The following PPP2R2C variants were observed in gnomAD, a reference collection of about 807,000 sequenced individuals.
PPP2R2C encodes the protein protein phosphatase 2, regulatory subunit B, gamma.
PPP2R2C carries 10 observed loss-of-function variants against 45.3 expected under a neutral mutation model. That is an observed-to-expected ratio of 0.22 (90% CI 0.14 to 0.37). The LOEUF (loss-of-function observed/expected upper bound fraction) is 0.37, where lower values mean the gene tolerates loss of function less well. Among genes scored for constraint, PPP2R2C ranks in the 10% least tolerant of loss-of-function variants. The pLI, the probability that PPP2R2C is intolerant of heterozygous loss-of-function variation, is 1.00. For missense variants in PPP2R2C, 308 were observed against 619.7 expected, an observed-to-expected ratio of 0.50 and a Z score of 5.34; for synonymous variants, 257 against 245.4, an observed-to-expected ratio of 1.05 and a Z score of -0.44.
chr4:6,512,104 G>T (rs1577231056), intron 2 of PPP2R2C, among the ~76,000 whole-genome samples: 1 of 60,710 alleles, frequency 1.6e-5, no homozygotes, highest in Non-Finnish European at 3.2e-5. Flanking sequence ...GGTGGTGGTG[G>T]TGGTGGTGAT....
At chr4:6,539,190 C>T (rs1724728971) in intron 1 of PPP2R2C, among the ~76,000 whole-genome samples, 1 of 151,122 alleles carries the variant, frequency 6.6e-6, no homozygotes, top group Admixed American at 6.6e-5. Context: ...GACACACACA[C>T]ATAGGGAGAG....
intron 2 of PPP2R2C, among the ~76,000 whole-genome samples, chr4:6,496,126 G>A (rs775678554): frequency 4.9e-4 from 74 of 152,140 alleles, no homozygotes; most frequent in Non-Finnish European, 9.7e-4. Flanking sequence ...AGCAAAACCA[G>A]GACAATCTCG....
rs373085213 is a variant in PPP2R2C, at chr4:6,478,808, A to G, written c.49+56463T>C. 2.4e-4 allele frequency among the ~76,000 whole-genome samples: 36 copies of G among 152,266 alleles called. 1 individual carries two copies. Among genetic ancestry groups the G allele is most frequent in the African/African-American group, 8.2e-4 (34 of 41,546 alleles). On this transcript the variant is annotated intron_variant, in intron 2 of 9. Coordinates refer to the PPP2R2C transcript ENST00000506140. ...GCACTCCTGCTGCGTGTGCATCTCG[A>G]GTGGGCTACAGCTCTGACCCCTGTT...
rs1434443946 is a variant in PPP2R2C at position 6,330,557 on chromosome 4, G to C, written c.961-1204C>G. ...AGACAGACCTCCCTGAGGACCGGGG[G>C]ATTCCGCTAACAGATGCGTGTGGGC... On this transcript the variant is annotated intron_variant, in intron 7 of 8. Coordinates refer to ENST00000382599, the MANE Select transcript of PPP2R2C (RefSeq NM_020416.4). This position sits in a 1 kb window ranked among gnomAD's most constrained non-coding sequence, Gnocchi z 7.0. Among the ~76,000 whole-genome samples, 1 of 152,120 alleles carries C rather than the reference G, an allele frequency of 6.6e-6. No individual in the cohort carries two copies. The highest frequency in any genetic ancestry group is 1.5e-5 in the Non-Finnish European group (1 of 68,024).
At chr4:6,411,803 C>T (rs1366383033) in intron 1 of PPP2R2C, among the ~76,000 whole-genome samples, 7 of 152,038 alleles carry the variant, frequency 4.6e-5, no homozygotes, top group Admixed American at 2.0e-4. Context: ...CCGCCCACCT[C>T]GGCCTCCCAA....
chr4:6,503,513 A>G (rs564425108), intron 2 of PPP2R2C, among the ~76,000 whole-genome samples: 2 of 152,220 alleles, frequency 1.3e-5, no homozygotes, highest in South Asian at 4.2e-4. Context: ...TATTTACTGT[A>G]TGTGTTTTGT....
At chr4:6,359,450 A>G (rs1713531105) in intron 5 of PPP2R2C, among the ~76,000 whole-genome samples, 1 of 152,194 alleles carries the variant, frequency 6.6e-6, no homozygotes, top group Non-Finnish European at 1.5e-5. Context: ...CCTATGTAAC[A>G]AACATGCACA....
chr4:6,524,469 C>T (rs1724130815), intron 2 of PPP2R2C, among the ~76,000 whole-genome samples: 1 of 152,196 alleles, frequency 6.6e-6, no homozygotes, highest in Admixed American at 6.5e-5. Context: ...AAACGATTCA[C>T]GAATCAGCTG....
chr4:6,348,092 C>T (rs770376615), intron 5 of PPP2R2C, 82 bp from the exon 6 acceptor site: 21 of 1,509,402 alleles, frequency 1.4e-5, no homozygotes, highest in African/African-American at 6.9e-5. Context: ...ACACCTCTCC[C>T]GAGGCAAAAC....
At chr4:6,537,559 T>G (rs970293573) in intron 1 of PPP2R2C, among the ~76,000 whole-genome samples, 2 of 151,590 alleles carry the variant, frequency 1.3e-5, no homozygotes, top group African/African-American at 2.4e-5. Context: ...TTGTTTTTTT[T>G]TTTTTTTTGG....
intron 1 of PPP2R2C, among the ~76,000 whole-genome samples, chr4:6,429,270 C>T (rs973730255): frequency 2.0e-5 from 3 of 152,228 alleles, no homozygotes; most frequent in East Asian, 1.9e-4. Flanking sequence ...AACTTCAACA[C>T]CGCACTTTTG....
chr4:6,475,606 C>G (rs540765016), upstream of PPP2R2C, among the ~76,000 whole-genome samples: 37 of 152,330 alleles, frequency 2.4e-4, 1 homozygote, highest in South Asian at 7.7e-3. Context: ...TGGCCTCTCT[C>G]TATGCTGAGT....
chr4:6,349,084 C>T, intron 5 of PPP2R2C: 1 of 985,338 alleles, frequency 1.0e-6, no homozygotes, highest in Non-Finnish European at 1.2e-6. Context: ...TCTCTTGGAG[C>T]ATGCAAGGAC....
chr4:6,493,823 G>A (rs557270194), intron 2 of PPP2R2C, among the ~76,000 whole-genome samples: 1 of 152,114 alleles, frequency 6.6e-6, no homozygotes, highest in African/African-American at 2.4e-5. Context: ...TCTTTCTGTC[G>A]ACTCTTTAGT....
At chr4:6,333,492 C>A (rs1346456861) in intron 7 of PPP2R2C, 70 bp downstream of exon 7, 5 of 1,535,878 alleles carry the variant, frequency 3.3e-6, no homozygotes, top group South Asian at 1.3e-5. Flanking sequence ...GCTAGGAAGG[C>A]CCCCTCCATG....
intron 8 of PPP2R2C, among the ~76,000 whole-genome samples, chr4:6,326,867 C>T (rs1344397777): frequency 2.0e-5 from 3 of 152,286 alleles, no homozygotes; most frequent in Middle Eastern, 3.4e-3. Flanking sequence ...CGGCGCTCTG[C>T]GGGCCGGACC....
In PPP2R2C at chr4:6,345,435, C is replaced by G. The variant is rs1307846992; in HGVS notation, c.790+2411G>C. 2.6e-5 allele frequency among the ~76,000 whole-genome samples: 4 copies of G among 152,170 alleles called. No individual in the cohort carries two copies. The highest frequency in any genetic ancestry group is 9.7e-5 in the African/African-American group (4 of 41,434). On this transcript the variant is annotated intron_variant, in intron 6 of 8. Transcript: ENST00000382599. The surrounding 1 kb of genome is among the most constrained non-coding windows in gnomAD (Gnocchi z 5.3). ...GTCAAAATAAGGCCAAAGATGAAAT[C>G]AAGGACGCAACTCAGCCAACCTTGA...
chr4:6,333,482 G>T, intron 7 of PPP2R2C, 80 bp downstream of exon 7: 1 of 1,505,390 alleles, frequency 6.6e-7, no homozygotes, highest in Non-Finnish European at 9.0e-7. Context: ...GCCACGCCTG[G>T]CTAGGAAGGC....
chr4:6,525,371 C>G (rs1364248720), intron 2 of PPP2R2C, among the ~76,000 whole-genome samples: 1 of 152,098 alleles, frequency 6.6e-6, no homozygotes, highest in African/African-American at 2.4e-5. Context: ...TGCCGCTGCA[C>G]TCCAGCCTGG....
Sources: allele counts gnomAD v4.1 joint callset (sites outside exome capture counted in the v4.1 genomes callset), GRCh38; gene constraint gnomAD v4.1.1; non-coding constraint Gnocchi (gnomAD v3.1); transcripts MANE v1.5; gene names NCBI Gene and HGNC (gene_info 2026-07-23, HGNC 2026-07-21).